MYOF: variants seen among roughly 807,000 people sequenced by gnomAD.
The protein encoded by MYOF is myoferlin, also known as fer-1-like 3, myoferlin.
A neutral mutation model predicts 284.2 loss-of-function variants in MYOF; 244 were observed. The ratio of observed to expected loss-of-function variants is 0.86; its 90% CI spans 0.77 to 0.95. The LOEUF (loss-of-function observed/expected upper bound fraction) is 0.95, where lower values mean the gene tolerates loss of function less well. Ranked by LOEUF, MYOF falls within the 40% of genes least tolerant of loss-of-function variation. The pLI is 0.00. For synonymous variants in MYOF, 904 were observed against 919.7 expected (o/e 0.98, Z 0.31); for missense variants, 2,496 against 2,560.6 (o/e 0.97, Z 0.54).
At chr10:93,311,522 G>C (rs1842390004) in intron 51 of MYOF, among the ~76,000 whole-genome samples, 1 of 151,410 alleles carries the variant, frequency 6.6e-6, no homozygotes, top group Non-Finnish European at 1.5e-5. Flanking sequence ...TTGGGAGGCA[G>C]AGGTTGCAGT....
At chr10:93,467,675 G>A (rs1024094897) in intron 1 of MYOF, among the ~76,000 whole-genome samples, 1 of 152,094 alleles carries the variant, frequency 6.6e-6, no homozygotes, top group Admixed American at 6.6e-5. Context: ...ACATGCACAC[G>A]TATGTTTATT....
chr10:93,441,817 C>G (rs2056268677), intron 3 of MYOF, among the ~76,000 whole-genome samples: 1 of 152,048 alleles, frequency 6.6e-6, no homozygotes, highest in Admixed American at 6.6e-5. Context: ...CCTGCCTCGG[C>G]CTCCCAAAGT....
intron 42 of MYOF, 136 bp from the exon 43 acceptor site, chr10:93,333,448 G>C: frequency 1.4e-6 from 1 of 717,682 alleles, no homozygotes; most frequent in South Asian, 1.6e-5. Context: ...CCGTGCCTAA[G>C]ACAAGGGAGC....
intron 51 of MYOF, 39 bp downstream of exon 51, chr10:93,312,981 C>G: frequency 6.4e-7 from 1 of 1,564,946 alleles, no homozygotes; most frequent in African/African-American, 1.4e-5. Context: ...TGATAAAAGG[C>G]ATAAACGATT....
At chr10:93,372,698 T>C (rs1845646286) in intron 24 of MYOF, among the ~76,000 whole-genome samples, 1 of 152,206 alleles carries the variant, frequency 6.6e-6, no homozygotes, top group Non-Finnish European at 1.5e-5. Context: ...CAATGCCATG[T>C]TTATATTAAT....
Position 93,351,806 on chromosome 10 carries a change from G to T in MYOF, c.3522C>A (p.Thr1174=). 3 of 1,588,138 alleles carry T rather than the reference G, an allele frequency of 1.9e-6. No homozygotes were observed. Among genetic ancestry groups the T allele is most frequent in the South Asian group, 1.2e-5 (1 of 85,774 alleles). The change falls in exon 33 of 54, where the codon ACC becomes ACA. Residue 1174 remains threonine, a synonymous_variant. Transcript: ENST00000359263. ...TCAGGGTTGAATGGATGATCTCAGTGGTTTTGCTCCGATGGAGGAAACAGA... is the reference window on the plus strand; with the variant it reads ...TCAGGGTTGAATGGATGATCTCAGTTGTTTTGCTCCGATGGAGGAAACAGA... ...AHICFLHRSK[T]TEIIHSTLNP...
chr10:93,311,913 G>A (rs1359432594), intron 51 of MYOF, among the ~76,000 whole-genome samples: 1 of 152,218 alleles, frequency 6.6e-6, no homozygotes, highest in African/African-American at 2.4e-5. Flanking sequence ...ACGGAAAGCA[G>A]GTCAGTGGTT....
intron 29 of MYOF, 151 bp from the exon 30 acceptor site, chr10:93,356,999 G>A: frequency 1.2e-6 from 1 of 816,688 alleles, no homozygotes; most frequent in Non-Finnish European, 1.9e-6. Context: ...ATACAGAAAA[G>A]AAAAAAACAG....
chr10:93,322,953 T>TTAATGAGATAAAATAA, intron 48 of MYOF, 125 bp downstream of exon 48: 1 of 935,114 alleles, frequency 1.1e-6, no homozygotes, highest in South Asian at 1.4e-5. Flanking sequence ...GTAGATCACA[T>TTAATGAGATAAAATAA]TAATGAGATA....
chr10:93,478,385 G>A (rs954041585), intron 1 of MYOF: 20 of 165,248 alleles, frequency 1.2e-4, no homozygotes, highest in Non-Finnish European at 1.4e-4. Context: ...TGGTGTACCC[G>A]AAGGATATGA....
chr10:93,450,093 A>G (rs1486004144), intron 3 of MYOF, among the ~76,000 whole-genome samples: 1 of 152,050 alleles, frequency 6.6e-6, no homozygotes, highest in East Asian at 1.9e-4. Context: ...CCTCATCTCT[A>G]CTAAAAAACA....
Position 93,306,817 on chromosome 10 carries a change from C to A in MYOF, c.*146G>T. On this transcript the variant is annotated 3_prime_UTR_variant, in exon 54 of 54. Coordinates refer to ENST00000359263, the MANE Select transcript of MYOF (RefSeq NM_013451.4). ...TTGGCCTGACTTTCCAGGACTAAGA[C>A]CCTCTGGGAATCAATGGGGCTCGGT... is the stretch of plus-strand genomic sequence containing the variant. 2.5e-6 allele frequency: 2 copies of A among 808,798 alleles called. No homozygotes were observed. The highest frequency in any genetic ancestry group is 4.1e-6 in the Non-Finnish European group (2 of 487,312). 50.1% of individuals were successfully genotyped at this position (808,798 alleles called of 1,614,324 possible). A position where few individuals can be genotyped will look rare whatever the true frequency, so the allele number is the denominator to read the frequency against.
intron 3 of MYOF, among the ~76,000 whole-genome samples, chr10:93,434,430 C>A (rs1175251460): frequency 6.5e-4 from 81 of 124,320 alleles, no homozygotes; most frequent in East Asian, 4.3e-3. Flanking sequence ...GACCCTGTCT[C>A]AAAAAAAAAA....
At chr10:93,369,603 C>T in intron 25 of MYOF, 42 bp downstream of exon 25, 8 of 1,610,292 alleles carry the variant, frequency 5.0e-6, no homozygotes, top group Non-Finnish European at 6.8e-6. Context: ...AGTGCCCCTC[C>T]CCCGACCAAA....
chr10:93,398,264 A>C (rs1721797), intron 13 of MYOF, among the ~76,000 whole-genome samples: 1 of 151,988 alleles, frequency 6.6e-6, no homozygotes, highest in Admixed American at 6.5e-5. Flanking sequence ...CTCCCTCCCC[A>C]ATCTCTGCAT....
intron 1 of MYOF, among the ~76,000 whole-genome samples, chr10:93,479,117 C>T (rs1000651994): frequency 2.6e-5 from 4 of 151,652 alleles, no homozygotes; most frequent in Non-Finnish European, 5.9e-5. Context: ...TCTTTGATGC[C>T]GCCTTGATCT....
Position 93,453,746 on chromosome 10 carries a change from G to A in MYOF, c.145-1605C>T, listed in dbSNP as rs575938710. On this transcript the variant is annotated intron_variant, in intron 2 of 53. Coordinates refer to ENST00000359263, the MANE Select transcript of MYOF (RefSeq NM_013451.4). ...TGAAAAATTTAAAAATCAGCAGAGC[G>A]CAGTGGTGTGTGCCTGTAGTCCCAG... is the stretch of plus-strand genomic sequence containing the variant. 3.9e-5 allele frequency among the ~76,000 whole-genome samples: 6 copies of A among 152,186 alleles called. No homozygotes were observed. In the South Asian group the frequency reaches 1.2e-3, roughly 32 times the overall value.
At position 93,361,434 on chromosome 10, in the gene MYOF, A is replaced by G; in HGVS notation, c.2974+18T>C. On this transcript the variant is annotated intron_variant, in intron 28 of 53. Transcript: ENST00000359263. ...CCTGCTGCAGAGCCCCAATCAGGTC[A>G]CAGATGTACAATGTTACCTTTCTCA... is the stretch of plus-strand genomic sequence containing the variant. The G allele has an allele frequency of 6.2e-7, 1 of 1,612,224 alleles. No homozygotes were observed. The highest frequency in any genetic ancestry group is 8.5e-7 in the Non-Finnish European group (1 of 1,178,358).
chr10:93,414,734 TTTTGTTTG>T (rs572207717), intron 5 of MYOF, among the ~76,000 whole-genome samples: 4 of 151,676 alleles, frequency 2.6e-5, no homozygotes, highest in African/African-American at 4.8e-5. Flanking sequence ...GGTTTTGTGT[TTTTGTTTG>T]TTTGTTTGTT....
Sources: allele counts gnomAD v4.1 joint callset (sites outside exome capture counted in the v4.1 genomes callset), GRCh38; gene constraint gnomAD v4.1.1; transcripts MANE v1.5; gene names NCBI Gene and HGNC (gene_info 2026-07-23, HGNC 2026-07-21).